The following DDX4 variants were observed in gnomAD, a reference collection of about 807,000 sequenced individuals.
DDX4 encodes probable ATP-dependent RNA helicase DDX4.
DDX4 carries 25 observed loss-of-function variants against 100.0 expected under a neutral mutation model. That is an observed-to-expected ratio of 0.25 (90% CI 0.18 to 0.35). The LOEUF is 0.35. DDX4 is among the 10% of genes least tolerant of loss of function. DDX4 has a pLI of 1.00. For synonymous variants in DDX4, 259 were observed against 275.7 expected (o/e 0.94, Z 0.60); for missense variants, 635 against 882.4 (o/e 0.72, Z 3.55).
In DDX4 at chr5:55,763,025, C is replaced by A. The variant is rs1180398039; in HGVS notation, c.206-150C>A. The A allele has an allele frequency of 7.6e-6, 4 of 524,852 alleles. No individual in the cohort carries two copies. The South Asian group carries it at 1.4e-4, about 18-fold the overall frequency. 32.5% of individuals were successfully genotyped at this position (524,852 alleles called of 1,614,324 possible). The stretch of plus-strand genomic sequence containing the variant: ...ATTTAAGAGTTTTTCTTTTAAGTTG[C>A]AGGTATATTAATTAATTTTAGGTTT... On this transcript the variant is annotated intron_variant, in intron 4 of 21. Transcript: ENST00000505374.
chr5:55,756,315 G>C (rs1323655026), intron 3 of DDX4, among the ~76,000 whole-genome samples: 1 of 152,088 alleles, frequency 6.6e-6, no homozygotes, highest in African/African-American at 2.4e-5. Context: ...GTTTTAATGA[G>C]ATCACCAGGT....
intron 7 of DDX4, among the ~76,000 whole-genome samples, chr5:55,770,180 A>C (rs1035042665): frequency 1.3e-5 from 2 of 151,478 alleles, no homozygotes; most frequent in African/African-American, 4.9e-5. Flanking sequence ...TTTACTTTCT[A>C]ATGTCACTGG....
chr5:55,777,017 G>A (rs1741606401), intron 7 of DDX4, among the ~76,000 whole-genome samples: 1 of 152,048 alleles, frequency 6.6e-6, no homozygotes, highest in Non-Finnish European at 1.5e-5. Context: ...TAAAATGAAG[G>A]GTAATCAGAG....
intron 6 of DDX4, 114 bp from the exon 7 acceptor site, chr5:55,767,765 TAA>T: frequency 2.9e-6 from 2 of 683,086 alleles, no homozygotes. Context: ...GTTTATATTT[TAA>T]CTTATGAAAA....
intron 18 of DDX4, among the ~76,000 whole-genome samples, chr5:55,810,029 A>G (rs1016718427): frequency 8.1e-6 from 1 of 123,750 alleles, no homozygotes; most frequent in African/African-American, 3.7e-5. Context: ...CCCGTAAAGC[A>G]TACACACACA....
intron 7 of DDX4, among the ~76,000 whole-genome samples, chr5:55,777,045 G>A (rs1038907937): frequency 2.0e-5 from 3 of 152,172 alleles, no homozygotes; most frequent in Admixed American, 6.5e-5. Flanking sequence ...AAGATAAAAT[G>A]TGTAACTTGC....
intron 11 of DDX4, 33 bp from the exon 12 acceptor site, chr5:55,785,414 C>A: frequency 6.3e-7 from 1 of 1,593,404 alleles, no homozygotes; most frequent in Non-Finnish European, 8.6e-7. Context: ...TTTTAAAAAA[C>A]ATGTATCTCT....
intron 10 of DDX4, 109 bp from the exon 11 acceptor site, chr5:55,785,188 G>A (rs1742168255): frequency 2.7e-6 from 2 of 731,534 alleles, no homozygotes; most frequent in African/African-American, 3.5e-5. Flanking sequence ...TTGTAAGAAG[G>A]GAATTTAAAG....
intron 10 of DDX4, among the ~76,000 whole-genome samples, chr5:55,782,927 C>T (rs1483591924): frequency 6.6e-6 from 1 of 151,284 alleles, no homozygotes; most frequent in Non-Finnish European, 1.5e-5. Context: ...TCCCTAGCAG[C>T]TGGATTACAG....
chr5:55,747,329 G>T (rs938541962), intron 3 of DDX4, among the ~76,000 whole-genome samples: 2 of 152,206 alleles, frequency 1.3e-5, no homozygotes, highest in Non-Finnish European at 2.9e-5. Flanking sequence ...AGTAAGTCGA[G>T]ATTACGCCAC....
At chr5:55,774,919 C>T (rs1741467465) in intron 7 of DDX4, among the ~76,000 whole-genome samples, 1 of 152,132 alleles carries the variant, frequency 6.6e-6, no homozygotes, top group Non-Finnish European at 1.5e-5. Context: ...CCCATATTAA[C>T]TATTCTTAAG....
At chr5:55,762,498 A>G (rs1740626546) in intron 4 of DDX4, among the ~76,000 whole-genome samples, 1 of 152,238 alleles carries the variant, frequency 6.6e-6, no homozygotes, top group Non-Finnish European at 1.5e-5. Flanking sequence ...GATAAGACAA[A>G]TAAGAAAGTA....
At position 55,786,752 on chromosome 5, in the gene DDX4, T is replaced by G. The variant is rs901662216; in HGVS notation, c.1017+82T>G. 3 of 1,126,144 alleles carry G rather than the reference T, an allele frequency of 2.7e-6. No homozygotes were observed. The African/African-American group carries it at 4.7e-5, about 18-fold the overall frequency. 69.8% of individuals were successfully genotyped at this position (1,126,144 alleles called of 1,614,324 possible). A position where few individuals can be genotyped will look rare whatever the true frequency, so the allele number is the denominator to read the frequency against. ...TAGTAACTTGGTTTCTTCTTTTGAG[T>G]AGAAGGTTTGTAGATGGTTTCAGTT... On this transcript the variant is annotated intron_variant, in intron 14 of 21. Transcript: ENST00000505374.
chr5:55,745,366 G>A (rs1381340338), intron 2 of DDX4, among the ~76,000 whole-genome samples: 1 of 152,146 alleles, frequency 6.6e-6, no homozygotes. Context: ...GTATTGACCA[G>A]TGTTGATTTA....
chr5:55,816,381 A>G (rs911587177), intron 21 of DDX4, 82 bp from the exon 22 acceptor site: 2 of 1,514,860 alleles, frequency 1.3e-6, no homozygotes, highest in Admixed American at 2.3e-5. Context: ...CCTTGCTCTC[A>G]GTCTGAGTGA....
At chr5:55,776,445 A>C (rs1741569740) in intron 7 of DDX4, among the ~76,000 whole-genome samples, 1 of 152,226 alleles carries the variant, frequency 6.6e-6, no homozygotes, top group African/African-American at 2.4e-5. Flanking sequence ...GTCCTCAGCA[A>C]ATAAAATTAA....
intron 7 of DDX4, among the ~76,000 whole-genome samples, chr5:55,772,384 A>G (rs1741308278): frequency 6.6e-6 from 1 of 152,080 alleles, no homozygotes; most frequent in Non-Finnish European, 1.5e-5. Flanking sequence ...TAGGTGGCTT[A>G]TATATGTGTA....
At chr5:55,796,938 C>A (rs751588455) in intron 17 of DDX4, among the ~76,000 whole-genome samples, 3 of 142,728 alleles carry the variant, frequency 2.1e-5, no homozygotes, top group Non-Finnish European at 4.5e-5. Flanking sequence ...ACCTCCCTGG[C>A]TGAAGCGATC....
Position 55,787,979 on chromosome 5 carries a change from A to G in DDX4, c.1151A>G (p.Glu384Gly). Reference protein sequence around the residue: ...TRELVNQIYLEARKFSFGTCV... With the variant: ...TRELVNQIYLGARKFSFGTCV... ...GAATTGGTCAACCAGATTTATTTGGAAGCCAGAAAATTTTCTTTTGGGTAA... is the reference window on the plus strand; with the variant it reads ...GAATTGGTCAACCAGATTTATTTGGGAGCCAGAAAATTTTCTTTTGGGTAA... The change falls in exon 15 of 22, where the codon GAA becomes GGA. Residue 384 changes from glutamate (E) to glycine (G), a missense_variant. Glu to Gly is a moderately conservative substitution (Grantham distance 98). Around this residue, in one of 4 missense-constraint regions of DDX4, gnomAD observed 446 missense variants for 540.8 expected, o/e 0.82. Transcript: ENST00000505374. 6.2e-7 allele frequency: 1 copy of G among 1,613,096 alleles called. No individual in the cohort carries two copies. The highest frequency in any genetic ancestry group is 8.5e-7 in the Non-Finnish European group (1 of 1,179,672).
Sources: gnomAD v4.1 joint callset for allele counts (sites outside exome capture counted in the v4.1 genomes callset) on GRCh38, gnomAD v4.1.1 for gene constraint, gnomAD v4.1.1 regional missense constraint, MANE v1.5 for transcripts, NCBI Gene and HGNC (gene_info 2026-07-23, HGNC 2026-07-21) for gene names.